Variants in GUCY2C observed in about 807,000 individuals in gnomAD.
GUCY2C encodes the protein guanylyl cyclase C.
Under a neutral mutation model 131.1 loss-of-function variants are expected in GUCY2C, and 118 were observed. The observed-to-expected ratio is 0.90, with a 90% confidence interval of 0.78 to 1.05. GUCY2C has a LOEUF of 1.05. Ranked by LOEUF, GUCY2C falls within the 50% of genes least tolerant of loss-of-function variation. The pLI is 0.00. For missense variants in GUCY2C, 1,161 were observed against 1,304.4 expected, an observed-to-expected ratio of 0.89 and a Z score of 1.69; for synonymous variants, 452 against 457.8, an observed-to-expected ratio of 0.99 and a Z score of 0.16.
At chr12:14,673,093 A>G (rs1225245702) in intron 8 of GUCY2C, 135 bp from the exon 9 acceptor site, 1 of 607,896 alleles carries the variant, frequency 1.6e-6, no homozygotes, top group Non-Finnish European at 3.0e-6. Context: ...TGACATTAAT[A>G]GTCTAATCAG....
intron 8 of GUCY2C, among the ~76,000 whole-genome samples, chr12:14,674,002 G>C (rs1330705647): frequency 6.6e-6 from 1 of 152,200 alleles, no homozygotes; most frequent in African/African-American, 2.4e-5. Flanking sequence ...AGGTTTCATA[G>C]AGTAAGACTC....
At chr12:14,670,836 T>A (rs144405586) in intron 9 of GUCY2C, among the ~76,000 whole-genome samples, 3 of 151,832 alleles carry the variant, frequency 2.0e-5, no homozygotes, top group Non-Finnish European at 4.4e-5. Flanking sequence ...TCTCTTTTTT[T>A]TGGGGAAGAA....
At chr12:14,629,967 T>A (rs1459297737) in intron 19 of GUCY2C, among the ~76,000 whole-genome samples, 1 of 152,072 alleles carries the variant, frequency 6.6e-6, no homozygotes, top group Admixed American at 6.6e-5. Flanking sequence ...AGTGGTAGAT[T>A]TTTAAGCTCT....
Position 14,653,687 on chromosome 12 carries a change from A to G in GUCY2C, c.1471-673T>C, listed in dbSNP as rs116873545. 2.3e-4 allele frequency among the ~76,000 whole-genome samples: 35 copies of G among 152,318 alleles called. No individual in the cohort carries two copies. The East Asian group carries it at 6.0e-3, about 26-fold the overall frequency. The stretch of plus-strand genomic sequence containing the variant: ...TCCAAAGACAGAGAAAAGGTTGGGA[A>G]CAATTGCATCTTTTGATGTGATTCT... On this transcript the variant is annotated intron_variant, in intron 12 of 26. Coordinates refer to ENST00000261170, the MANE Select transcript of GUCY2C (RefSeq NM_004963.4).
chr12:14,672,258 C>G (rs1257272586), intron 9 of GUCY2C: 1 of 152,020 alleles, frequency 6.6e-6, no homozygotes, highest in Non-Finnish European at 1.5e-5. Context: ...TGATTAAATG[C>G]TGACCAGCCG....
rs904383688 is a variant in GUCY2C at position 14,683,393 on chromosome 12, A to G, written c.396-136T>C. 1.3e-5 allele frequency: 8 copies of G among 627,584 alleles called. No homozygotes were observed. The African/African-American group carries it at 1.3e-4, about 10-fold the overall frequency. 38.9% of individuals were successfully genotyped at this position (627,584 alleles called of 1,614,324 possible). A position where few individuals can be genotyped will look rare whatever the true frequency, so the allele number is the denominator to read the frequency against. On this transcript the variant is annotated intron_variant, in intron 3 of 26. Coordinates refer to ENST00000261170, the MANE Select transcript of GUCY2C (RefSeq NM_004963.4). Reference sequence around the variant, plus strand: ...ATCGGATCATTAAAGCAGGTTTCTCATGTATATAGGTGTCTTTCTCATACA... The same window carrying G: ...ATCGGATCATTAAAGCAGGTTTCTCGTGTATATAGGTGTCTTTCTCATACA...
At chr12:14,662,433 T>TG (rs1017078603) in intron 10 of GUCY2C, among the ~76,000 whole-genome samples, 30 of 151,904 alleles carry the variant, frequency 2.0e-4, no homozygotes, top group Non-Finnish European at 4.1e-4. Context: ...CCCAGCACTT[T>TG]GGGGGGGCTG....
intron 10 of GUCY2C, among the ~76,000 whole-genome samples, chr12:14,665,480 C>G (rs1393220179): frequency 6.6e-6 from 1 of 152,158 alleles, no homozygotes; most frequent in Admixed American, 6.5e-5. Flanking sequence ...GGACTGTATT[C>G]TGTAGGTAAA....
At chr12:14,646,941 C>T in intron 15 of GUCY2C, among the ~76,000 whole-genome samples, 1 of 151,968 alleles carries the variant, frequency 6.6e-6, no homozygotes, top group East Asian at 1.9e-4. Flanking sequence ...AGAAAAATTG[C>T]CTACAATCTG....
At chr12:14,680,820 T>G (rs1327746469) in intron 5 of GUCY2C, among the ~76,000 whole-genome samples, 1 of 152,164 alleles carries the variant, frequency 6.6e-6, no homozygotes. Flanking sequence ...GAGGATAATT[T>G]TATATCCAAT....
chr12:14,654,324 G>A (rs942448707), intron 12 of GUCY2C, among the ~76,000 whole-genome samples: 1 of 152,110 alleles, frequency 6.6e-6, no homozygotes, highest in Non-Finnish European at 1.5e-5. Context: ...CTGTCTGGTT[G>A]TAGGTATTTT....
rs758364719 is a variant in GUCY2C at position 14,641,145 on chromosome 12, T to C, written c.2005A>G (p.Ile669Val). 3.7e-6 allele frequency: 6 copies of C among 1,613,698 alleles called. No individual in the cohort carries two copies. In the East Asian group the frequency reaches 8.9e-5, roughly 24 times the overall value. Residue 669 changes from isoleucine (I) to valine (V), a missense_variant, in exon 18 of 27, where the codon ATC becomes GTC. Ile to Val is a conservative substitution (Grantham distance 29). Coordinates refer to ENST00000261170, the MANE Select transcript of GUCY2C (RefSeq NM_004963.4). ...QKGDVYSYGI[I>V]AQEIILRKET... ...TTCCGCAGGATGATCTCCTGTGCGA[T>C]GATCCCATAGCTGTACACATCTCCT...
At position 14,620,410 on chromosome 12, in the gene GUCY2C, C is replaced by T. The variant is rs1946869754; in HGVS notation, c.2776+632G>A. ...TCTGTCTATAAACATTGCCCGCCCA[C>T]CTTGCCCATTGAAGCTCTCTGAACC... is the stretch of plus-strand genomic sequence containing the variant. On this transcript the variant is annotated intron_variant, in intron 23 of 26. Transcript: ENST00000261170. 2.0e-5 allele frequency among the ~76,000 whole-genome samples: 3 copies of T among 152,200 alleles called. No individual in the cohort carries two copies. In the South Asian group the frequency reaches 6.2e-4, roughly 31 times the overall value.
chr12:14,655,838 T>C (rs1038187386), intron 12 of GUCY2C, among the ~76,000 whole-genome samples: 7 of 152,274 alleles, frequency 4.6e-5, no homozygotes, highest in African/African-American at 1.7e-4. Context: ...GAAGATGAAA[T>C]GGGTTAATGC....
rs936500958 is a variant in GUCY2C, at chr12:14,613,891, T to C, written c.3048-600A>G. On this transcript the variant is annotated intron_variant, in intron 26 of 26. Coordinates refer to ENST00000261170, the MANE Select transcript of GUCY2C (RefSeq NM_004963.4). This position sits in a 1 kb window ranked among gnomAD's most constrained non-coding sequence, Gnocchi z 4.9. ...GCCATATGGCTGCAGTAACATGTAT[T>C]GACAGGCAACTGGGTGACAGCTTGA... 6.6e-6 allele frequency among the ~76,000 whole-genome samples: 1 copy of C among 152,162 alleles called. No individual in the cohort carries two copies. Among genetic ancestry groups the C allele is most frequent in the African/African-American group, 2.4e-5 (1 of 41,448 alleles).
intron 1 of GUCY2C, among the ~76,000 whole-genome samples, chr12:14,688,551 G>A (rs75700930): frequency 0.063 from 9,521 of 152,224 alleles, 606 homozygotes; most frequent in Admixed American, 0.2. Flanking sequence ...TTGCCAACTT[G>A]CAGGAGGCTG....
intron 10 of GUCY2C, among the ~76,000 whole-genome samples, chr12:14,661,927 A>G (rs1351278877): frequency 6.6e-6 from 1 of 152,048 alleles, no homozygotes; most frequent in African/African-American, 2.4e-5. Flanking sequence ...AAGTGGAAAG[A>G]CTCTCAGAAG....
At chr12:14,647,542 C>A (rs1213950958) in intron 15 of GUCY2C, among the ~76,000 whole-genome samples, 6 of 152,118 alleles carry the variant, frequency 3.9e-5, no homozygotes, top group Admixed American at 3.9e-4. Flanking sequence ...ATGATTTCAG[C>A]TTCCAAAAGT....
chr12:14,691,183 A>G (rs1948569095), intron 1 of GUCY2C, among the ~76,000 whole-genome samples: 1 of 152,146 alleles, frequency 6.6e-6, no homozygotes, highest in South Asian at 2.1e-4. Context: ...TAAGTTCGAA[A>G]ACACTGATAC....
Sources: allele counts gnomAD v4.1 joint callset (sites outside exome capture counted in the v4.1 genomes callset), GRCh38; gene constraint gnomAD v4.1.1; non-coding constraint Gnocchi (gnomAD v3.1); transcripts MANE v1.5; gene names NCBI Gene and HGNC (gene_info 2026-07-23, HGNC 2026-07-21).